Variants in LINGO2 observed in about 807,000 individuals in gnomAD.
LINGO2 encodes the protein leucine rich repeat and Ig domain containing 2.
Under a neutral mutation model 30.6 loss-of-function variants are expected in LINGO2, and 14 were observed. The observed-to-expected ratio is 0.46, with a 90% CI of 0.30 to 0.72. The LOEUF is 0.72. LINGO2 is among the 30% of genes least tolerant of loss of function. The pLI, the probability that LINGO2 is intolerant of heterozygous loss-of-function variation, is 0.07. For synonymous variants in LINGO2, 317 were observed against 288.5 expected (o/e 1.10, Z -1.00); for missense variants, 729 against 751.7 (o/e 0.97, Z 0.35).
chr9:29,080,199 C>G, the LINGO2 span, among the ~76,000 whole-genome samples: 1 of 152,066 alleles, frequency 6.6e-6, no homozygotes, highest in Non-Finnish European at 1.5e-5. Flanking sequence ...AGGAATTTAT[C>G]CATTTCTTCT....
intron 2 of LINGO2, among the ~76,000 whole-genome samples, chr9:28,432,152 C>T (rs964887996): frequency 4.6e-5 from 7 of 152,188 alleles, no homozygotes; most frequent in Non-Finnish European, 8.8e-5. Context: ...GAAGACCACA[C>T]AGATGAGATA....
chr9:28,502,634 T>C (rs1819936383), intron 1 of LINGO2, among the ~76,000 whole-genome samples: 1 of 152,094 alleles, frequency 6.6e-6, no homozygotes, highest in Non-Finnish European at 1.5e-5. Context: ...TCACAGCTCT[T>C]TGAATATTAT....
the LINGO2 span, among the ~76,000 whole-genome samples, chr9:29,084,366 A>G: frequency 6.6e-6 from 1 of 152,152 alleles, no homozygotes; most frequent in Admixed American, 6.6e-5. Flanking sequence ...TTGAACAGAC[A>G]GTAAAAGGAA....
intron 5 of LINGO2, among the ~76,000 whole-genome samples, chr9:27,980,973 C>T (rs1227087008): frequency 6.6e-6 from 1 of 151,850 alleles, no homozygotes; most frequent in African/African-American, 2.4e-5. Flanking sequence ...AAGCAAACCA[C>T]AGGTCAGTTA....
At chr9:27,950,705 G>C in exon 6 of LINGO2, 1 of 1,478,548 alleles carries the variant, frequency 6.8e-7, no homozygotes, top group African/African-American at 1.4e-5. Flanking sequence ...TTGGTCACGG[G>C]TCTGCATGGA....
At chr9:28,810,127 G>T in the LINGO2 span, among the ~76,000 whole-genome samples, 1 of 85,586 alleles carries the variant, frequency 1.2e-5, no homozygotes, top group Non-Finnish European at 2.4e-5. Flanking sequence ...TTATCTCCAT[G>T]AAAGGAAAAT....
chr9:28,977,094 G>A, the LINGO2 span, among the ~76,000 whole-genome samples: 1 of 152,096 alleles, frequency 6.6e-6, no homozygotes, highest in Non-Finnish European at 1.5e-5. Flanking sequence ...TAACTTATAT[G>A]AATAATTTAT....
intron 4 of LINGO2, among the ~76,000 whole-genome samples, chr9:28,189,497 GAGGA>G (rs1564028945): frequency 3.2e-4 from 6 of 18,762 alleles, no homozygotes; most frequent in Non-Finnish European, 4.8e-4. Context: ...GGAAGGAAGG[GAGGA>G]AGGAAGGAAG....
the LINGO2 span, among the ~76,000 whole-genome samples, chr9:29,182,578 C>T: frequency 6.6e-6 from 1 of 152,140 alleles, no homozygotes; most frequent in African/African-American, 2.4e-5. Context: ...ATGACCTTCA[C>T]ATATCACAAA....
chr9:27,993,231 T>C (rs1346606869), intron 5 of LINGO2, among the ~76,000 whole-genome samples: 1 of 152,162 alleles, frequency 6.6e-6, no homozygotes, highest in Non-Finnish European at 1.5e-5. Context: ...CTTTGCCTTT[T>C]CACATGCATC....
the LINGO2 span, among the ~76,000 whole-genome samples, chr9:28,855,404 G>A: frequency 6.6e-6 from 1 of 151,944 alleles, no homozygotes; most frequent in Admixed American, 6.6e-5. Flanking sequence ...GAAGCCATCT[G>A]TTTAGGTGTA....
intron 2 of LINGO2, among the ~76,000 whole-genome samples, chr9:28,464,096 G>A (rs374986084): frequency 7.9e-5 from 12 of 152,170 alleles, no homozygotes; most frequent in African/African-American, 2.4e-4. Context: ...TCAGGGAAAC[G>A]ACCTCACAAT....
the LINGO2 span, among the ~76,000 whole-genome samples, chr9:28,699,629 A>G: frequency 6.6e-6 from 1 of 152,094 alleles, no homozygotes; most frequent in African/African-American, 2.4e-5. Flanking sequence ...CGGGCAAAAT[A>G]GAGCCATATT....
chr9:28,969,445 A>C, the LINGO2 span, among the ~76,000 whole-genome samples: 2 of 152,240 alleles, frequency 1.3e-5, no homozygotes, highest in African/African-American at 4.8e-5. Flanking sequence ...TCTAAAAGGT[A>C]ACGGGACATA....
the LINGO2 span, among the ~76,000 whole-genome samples, chr9:29,114,757 T>G: frequency 1.3e-5 from 2 of 151,948 alleles, 1 homozygote; most frequent in South Asian, 4.1e-4. Flanking sequence ...GGCTGCATAG[T>G]ATTCCATGGT....
rs1587084333 is a variant in LINGO2, at chr9:28,148,348, G to C, written c.-86-135943C>G. ...GGATGTTTGGACACCTCAGCCCCGT[G>C]AGGATTCCTCATCTCAGAGGCAAGT... On this transcript the variant is annotated intron_variant, in intron 4 of 5. Transcript: ENST00000379992. This position sits in a 1 kb window ranked among gnomAD's most constrained non-coding sequence, Gnocchi z 5.1. 3 of 978,524 alleles carry C rather than the reference G, an allele frequency of 3.1e-6. No homozygotes were observed. Among genetic ancestry groups the C allele is most frequent in the South Asian group, 2.7e-5 (2 of 72,918 alleles). The allele number at this position is 978,524 out of a possible 1,614,324, so 60.6% of individuals were successfully genotyped here.
At chr9:28,340,973 A>C (rs10968521) in intron 3 of LINGO2, among the ~76,000 whole-genome samples, 29,794 of 152,064 alleles carry the variant, frequency 0.2, 3,583 homozygotes, top group African/African-American at 0.31. Flanking sequence ...AGGGCAAATA[A>C]AATGCATAGC....
chr9:28,643,060 T>C (rs1827673694), intron 1 of LINGO2, among the ~76,000 whole-genome samples: 1 of 152,114 alleles, frequency 6.6e-6, no homozygotes, highest in South Asian at 2.1e-4. Context: ...GATAGAAAGA[T>C]ATTTCATGTT....
At chr9:28,765,849 G>C in the LINGO2 span, among the ~76,000 whole-genome samples, 1 of 151,984 alleles carries the variant, frequency 6.6e-6, no homozygotes, top group East Asian at 1.9e-4. Flanking sequence ...ATGGGAAAAG[G>C]ATAGTCTCTT....
Sources: allele counts gnomAD v4.1 joint callset (sites outside exome capture counted in the v4.1 genomes callset), GRCh38; gene constraint gnomAD v4.1.1; non-coding constraint Gnocchi (gnomAD v3.1); transcripts MANE v1.5; gene names NCBI Gene and HGNC (gene_info 2026-07-23, HGNC 2026-07-21).